ZNF248: variants seen among roughly 807,000 people sequenced by gnomAD.
ZNF248 encodes KRAB protein domain.
A neutral mutation model predicts 44.3 loss-of-function variants in ZNF248; 20 were observed. That is an observed-to-expected ratio of 0.45 (90% CI 0.32 to 0.66). The LOEUF (loss-of-function observed/expected upper bound fraction) is 0.66. Among genes scored for constraint, ZNF248 ranks in the 30% least tolerant of loss-of-function variants. The pLI is 0.04. For synonymous variants in ZNF248, 224 were observed against 229.0 expected, an observed-to-expected ratio of 0.98 and a Z score of 0.20; for missense variants, 654 against 677.0, an observed-to-expected ratio of 0.97 and a Z score of 0.38.
chr10:37,831,223 C>T lies in ZNF248; in HGVS notation c.*392G>A, dbSNP rs1259210524. On this transcript the variant is annotated 3_prime_UTR_variant, in exon 6 of 6. Transcript: ENST00000395867. Reference sequence around the variant, plus strand: ...AAGCATACTCAAATTTATATATTTGCATACTCACATAAGGTCTACAAACAT... The same window carrying T: ...AAGCATACTCAAATTTATATATTTGTATACTCACATAAGGTCTACAAACAT... The T allele has an allele frequency of 6.5e-6, 10 of 1,543,738 alleles. No homozygotes were observed. Among genetic ancestry groups the T allele is most frequent in the Non-Finnish European group, 7.0e-6 (8 of 1,144,218 alleles).
At chr10:37,764,955 T>C in the ZNF248 span, among the ~76,000 whole-genome samples, 2 of 151,838 alleles carry the variant, frequency 1.3e-5, no homozygotes, top group Non-Finnish European at 2.9e-5. Flanking sequence ...AAGACACTTT[T>C]TGAGCCTTTT....
Position 37,830,150 on chromosome 10 carries a change from C to G in ZNF248, c.*1465G>C. 2 of 985,426 alleles carry G rather than the reference C, an allele frequency of 2.0e-6. No individual in the cohort carries two copies. The highest frequency in any genetic ancestry group is 2.4e-6 in the Non-Finnish European group (2 of 829,930). The allele number at this position is 985,426 out of a possible 1,614,324, so 61.0% of individuals were successfully genotyped here. A position where few individuals can be genotyped will look rare whatever the true frequency, so the allele number is the denominator to read the frequency against. On this transcript the variant is annotated 3_prime_UTR_variant, in exon 6 of 6. Coordinates refer to ENST00000395867, the MANE Select transcript of ZNF248 (RefSeq NM_021045.3). ...AATCAAGGATATCAAAAGGGCCTTT[C>G]ATTACATACCGCCACTTTTTGAGGA...
chr10:37,781,575 A>T (rs1460792972), intron 6 of ZNF248, among the ~76,000 whole-genome samples: 1 of 152,204 alleles, frequency 6.6e-6, no homozygotes, highest in African/African-American at 2.4e-5. Context: ...TAATTCAGTT[A>T]ATCTGTTAAC....
chr10:37,831,333 A>C lies in ZNF248; in HGVS notation c.*282T>G, dbSNP rs2055567946. ...TTCCACTGTGAATATGGGTATAAAT[A>C]AATATTGTCCATTATATTTGCAACA... On this transcript the variant is annotated 3_prime_UTR_variant, in exon 6 of 6. Transcript: ENST00000395867. The C allele has an allele frequency of 6.5e-7, 1 of 1,549,070 alleles. No individual in the cohort carries two copies. The highest frequency in any genetic ancestry group is 8.7e-7 in the Non-Finnish European group (1 of 1,146,086).
the ZNF248 span, among the ~76,000 whole-genome samples, chr10:37,759,118 C>T: frequency 4.6e-5 from 7 of 152,198 alleles, no homozygotes; most frequent in African/African-American, 1.7e-4. Flanking sequence ...CCCTGATCCT[C>T]AACTCCAACT....
chr10:37,844,751 G>C (rs1267301472), intron 3 of ZNF248, among the ~76,000 whole-genome samples: 1 of 151,918 alleles, frequency 6.6e-6, no homozygotes, highest in Non-Finnish European at 1.5e-5. Flanking sequence ...AAGGAAATGG[G>C]AAGTAAATCA....
Position 37,832,344 on chromosome 10 carries a change from TGAC to T in ZNF248, c.1008_1010del (p.Ser337del). On this transcript the variant is annotated inframe_deletion, in exon 6 of 6. Transcript: ENST00000395867. ...GTACTATTTGATGTTTTAAGAGAGC[TGAC>T]TTTTCCCAGGTTTTGTCACTCACTT... 6.2e-7 allele frequency: 1 copy of T among 1,614,088 alleles called. No individual in the cohort carries two copies. The highest frequency in any genetic ancestry group is 8.5e-7 in the Non-Finnish European group (1 of 1,179,962).
At chr10:37,769,313 C>T in the ZNF248 span, among the ~76,000 whole-genome samples, 1 of 152,084 alleles carries the variant, frequency 6.6e-6, no homozygotes, top group Non-Finnish European at 1.5e-5. Context: ...AGCAGAAAAA[C>T]AACCAAAAAA....
Position 37,828,812 on chromosome 10 carries a change from T to TACACCACATACAATAAGAA in ZNF248, c.*2784_*2802dup. Reference sequence around the variant, plus strand: ...TGGAAGAATACAGAGCTGCTTACCTTACACCACATACAATAAGAAACACCA... The same window carrying TACACCACATACAATAAGAA: ...TGGAAGAATACAGAGCTGCTTACCTTACACCACATACAATAAGAAACACCACATACAATAAGAAACACCA... On this transcript the variant is annotated 3_prime_UTR_variant, in exon 6 of 6. Coordinates refer to ENST00000395867, the MANE Select transcript of ZNF248 (RefSeq NM_021045.3). The TACACCACATACAATAAGAA allele has an allele frequency of 1.0e-6, 1 of 985,400 alleles. No homozygotes were observed. The highest frequency in any genetic ancestry group is 4.7e-5 in the South Asian group (1 of 21,284). The allele number at this position is 985,400 out of a possible 1,614,324, so 61.0% of individuals were successfully genotyped here.
chr10:37,777,327 C>T (rs1337018039), intron 6 of ZNF248, among the ~76,000 whole-genome samples: 5 of 152,198 alleles, frequency 3.3e-5, no homozygotes, highest in African/African-American at 1.2e-4. Context: ...GAACTATGGA[C>T]TCAGGTACTA....
exon 7 of ZNF248, chr10:37,776,558 G>A (rs983821423): frequency 4.3e-5 from 17 of 398,252 alleles, no homozygotes; most frequent in African/African-American, 8.2e-5. Context: ...GCTTTCTTCC[G>A]AGGAGCTGAA....
intron 6 of ZNF248, among the ~76,000 whole-genome samples, chr10:37,823,328 G>A (rs576513160): frequency 1.9e-4 from 14 of 73,752 alleles, no homozygotes; most frequent in East Asian, 1.8e-3. Context: ...GCGAGACTCC[G>A]TCTCCAAAAA....
chr10:37,804,369 CAT>C (rs1166468369), intron 6 of ZNF248, among the ~76,000 whole-genome samples: 5 of 151,872 alleles, frequency 3.3e-5, no homozygotes, highest in African/African-American at 9.7e-5. Flanking sequence ...GAGTAGAAAA[CAT>C]AGTTATATAT....
chr10:37,841,953 C>T (rs2058424724), intron 3 of ZNF248, among the ~76,000 whole-genome samples: 1 of 151,940 alleles, frequency 6.6e-6, no homozygotes, highest in African/African-American at 2.4e-5. Context: ...TAAGAAGAGC[C>T]TAAGGAGACA....
chr10:37,800,484 G>A (rs1385216925), intron 6 of ZNF248, among the ~76,000 whole-genome samples: 2 of 152,172 alleles, frequency 1.3e-5, no homozygotes, highest in Non-Finnish European at 2.9e-5. Flanking sequence ...ATTTCATGGT[G>A]TATATGTACA....
intron 6 of ZNF248, chr10:37,784,088 A>C (rs2047608695): frequency 1.3e-5 from 2 of 152,570 alleles, no homozygotes; most frequent in Admixed American, 1.3e-4. Flanking sequence ...TGCTGGGATT[A>C]TAGGCGTGAG....
chr10:37,836,701 AGTGT>A (rs918153051), intron 5 of ZNF248, among the ~76,000 whole-genome samples: 6 of 151,888 alleles, frequency 4.0e-5, no homozygotes, highest in African/African-American at 7.3e-5. Flanking sequence ...GACCCAACAC[AGTGT>A]GTGTGTACCT....
At chr10:37,818,179 G>A (rs2052849863) in intron 6 of ZNF248, among the ~76,000 whole-genome samples, 1 of 152,138 alleles carries the variant, frequency 6.6e-6, no homozygotes, top group Admixed American at 6.5e-5. Context: ...GCCTCCCAAA[G>A]TGCTGAGATT....
intron 3 of ZNF248, among the ~76,000 whole-genome samples, chr10:37,845,447 GAATA>G (rs1421552782): frequency 6.9e-6 from 1 of 144,840 alleles, no homozygotes; most frequent in Non-Finnish European, 1.5e-5. Context: ...TCTTAAATAA[GAATA>G]AACAAAAGCT....
Sources: allele counts gnomAD v4.1 joint callset (sites outside exome capture counted in the v4.1 genomes callset), GRCh38; gene constraint gnomAD v4.1.1; transcripts MANE v1.5; gene names NCBI Gene and HGNC (gene_info 2026-07-23, HGNC 2026-07-21).